Variants in ARFGEF3 observed in about 807,000 individuals in gnomAD.
ARFGEF3 encodes ARFGEF family member 3.
A neutral mutation model predicts 221.7 loss-of-function variants in ARFGEF3; 96 were observed. The ratio of observed to expected loss-of-function variants is 0.43; its 90% confidence interval spans 0.37 to 0.51. The LOEUF is 0.51. Ranked by LOEUF, ARFGEF3 falls within the 20% of genes least tolerant of loss-of-function variation. The probability of loss-of-function intolerance (pLI) is 0.00; values close to 1 mark genes in which losing one functional copy is unlikely to be tolerated. For synonymous variants in ARFGEF3, 1,145 were observed against 1,126.8 expected (o/e 1.02, Z -0.32); for missense variants, 2,410 against 2,789.9 (o/e 0.86, Z 3.07).
chr6:138,308,911 A>G (rs1779775785), intron 24 of ARFGEF3, 50 bp downstream of exon 24: 7 of 1,611,034 alleles, frequency 4.3e-6, no homozygotes, highest in South Asian at 1.1e-5. Flanking sequence ...GACCCTTTCC[A>G]GGGTGGCTCT....
At position 138,241,341 on chromosome 6, in the gene ARFGEF3, A is replaced by G. The variant is rs923476556; in HGVS notation, c.544-1611A>G. ...TATCTGCATAATTGATTCTTCCGTT[A>G]CTCCCATTTTTTTCTTCAAACATTC... On this transcript the variant is annotated intron_variant, in intron 6 of 33. Coordinates refer to ENST00000251691, the MANE Select transcript of ARFGEF3 (RefSeq NM_020340.5). Among the ~76,000 whole-genome samples the G allele has an allele frequency of 2.0e-5, 3 of 152,030 alleles. No individual in the cohort carries two copies. In the East Asian group the frequency reaches 5.8e-4, roughly 29 times the overall value.
chr6:138,238,545 C>G lies in ARFGEF3; in HGVS notation c.457C>G (p.Arg153Gly), dbSNP rs1264278620. Residue 153 changes from arginine (R) to glycine (G), a missense_variant, in exon 6 of 34, where the codon CGT (arginine) becomes GGT (glycine). This residue lies in a region of ARFGEF3 where 570 missense variants were observed against 586.9 expected (regional missense o/e 0.97). Transcript: ENST00000251691. The stretch of plus-strand genomic sequence containing the variant: ...GACGTACATAAGCAGCTGTCACCAG[C>G]GTAGCATAAACACTGCTGTGCGGGC... Reference protein sequence around the residue: ...IETYISSCHQRSINTAVRATL... With the variant: ...IETYISSCHQGSINTAVRATL... 6.2e-7 allele frequency: 1 copy of G among 1,613,644 alleles called. No individual in the cohort carries two copies. The highest frequency in any genetic ancestry group is 1.3e-5 in the African/African-American group (1 of 74,914).
At chr6:138,183,211 G>T (rs1777115585) in intron 2 of ARFGEF3, among the ~76,000 whole-genome samples, 1 of 152,122 alleles carries the variant, frequency 6.6e-6, no homozygotes. Context: ...CTGAGCAGGT[G>T]GGAGGGCTGC....
At chr6:138,252,987 A>G (rs1355968365) in intron 8 of ARFGEF3, among the ~76,000 whole-genome samples, 3 of 151,890 alleles carry the variant, frequency 2.0e-5, no homozygotes, top group Non-Finnish European at 4.4e-5. Context: ...TCTATGAGGA[A>G]CCCCATAATG....
Position 138,344,300 on chromosome 6 carries a change from A to G in ARFGEF3, c.*7814A>G, listed in dbSNP as rs1393174174. 6.6e-6 allele frequency: 1 copy of G among 152,212 alleles called. No individual in the cohort carries two copies. Among genetic ancestry groups the G allele is most frequent in the Admixed American group, 6.5e-5 (1 of 15,278 alleles). The allele number at this position is 152,212 out of a possible 1,614,324, so 9.4% of individuals were successfully genotyped here. ...CATCCTTGCAACCCCATTCACCAGG[A>G]GCCTTGAAGCATTTTGTTTACTCCA... On this transcript the variant is annotated 3_prime_UTR_variant, in exon 34 of 34. Transcript: ENST00000251691.
chr6:138,174,627 A>T (rs1776902845), intron 2 of ARFGEF3, among the ~76,000 whole-genome samples: 1 of 151,830 alleles, frequency 6.6e-6, no homozygotes, highest in Non-Finnish European at 1.5e-5. Context: ...TATCTCTTGC[A>T]TTCTTCTGAT....
chr6:138,298,672 G>A lies in ARFGEF3; in HGVS notation c.3715G>A (p.Glu1239Lys), dbSNP rs1319018775. 6.2e-7 allele frequency: 1 copy of A among 1,613,604 alleles called. No homozygotes were observed. The highest frequency in any genetic ancestry group is 1.3e-5 in the African/African-American group (1 of 75,034). ...AVSFIHDILT[E>K]VLTDWNEPPH... The stretch of plus-strand genomic sequence containing the variant: ...TTCCTTCATCCATGACATACTGACA[G>A]AAGTCCTCACTGACTGGAATGAGCC... Residue 1239 changes from glutamate to lysine, a missense_variant, in exon 22 of 34, where the codon GAA becomes AAA. Transcript: ENST00000251691.
chr6:138,239,503 GC>G (rs1778353409), intron 6 of ARFGEF3, among the ~76,000 whole-genome samples: 1 of 151,980 alleles, frequency 6.6e-6, no homozygotes, highest in Non-Finnish European at 1.5e-5. Flanking sequence ...CAAAAAATTA[GC>G]CGGGTGTGGT....
intron 4 of ARFGEF3, 96 bp downstream of exon 4, chr6:138,210,137 A>G (rs569789439): frequency 3.3e-6 from 4 of 1,207,924 alleles, no homozygotes; most frequent in African/African-American, 1.5e-5. Flanking sequence ...CGTTGTGGTC[A>G]TGCTAGCTCA....
rs748551789 is a variant in ARFGEF3 at position 138,334,177 on chromosome 6, T to C, written c.5331T>C (p.Ser1777=). 1 of 1,613,820 alleles carries C rather than the reference T, an allele frequency of 6.2e-7. No homozygotes were observed. The highest frequency in any genetic ancestry group is 1.1e-5 in the South Asian group (1 of 91,062). The change falls in exon 33 of 34, where the codon TCT becomes TCC. Residue 1777 remains serine, a synonymous_variant. Transcript: ENST00000251691. This position sits in a 1 kb window ranked among gnomAD's most constrained non-coding sequence, Gnocchi z 5.1. ...LAVIFDLLLD[S]YRTAREFDTS... ...TCATATTCGACCTGCTGCTGGACTC[T>C]TATAGGACTGCCAGGGAGTTTGACA... is the stretch of plus-strand genomic sequence containing the variant.
chr6:138,240,395 G>A (rs1007795875), intron 6 of ARFGEF3, among the ~76,000 whole-genome samples: 3 of 152,030 alleles, frequency 2.0e-5, no homozygotes, highest in Admixed American at 6.6e-5. Context: ...AATTATATGA[G>A]TTCATTTAAT....
rs539352075 is a variant in ARFGEF3 at position 138,220,860 on chromosome 6, CT to C, written c.352-8922del. 9.2e-5 allele frequency among the ~76,000 whole-genome samples: 14 copies of C among 152,306 alleles called. No individual in the cohort carries two copies. In the South Asian group the frequency reaches 2.7e-3, roughly 29 times the overall value. ...ATCTCATCTTGACCAACTAAATTGCCTTGCCATATAAACACAGCTGAATCTC... is the reference window on the plus strand; with the variant it reads ...ATCTCATCTTGACCAACTAAATTGCCTGCCATATAAACACAGCTGAATCTC... On this transcript the variant is annotated intron_variant, in intron 4 of 33. Coordinates refer to ENST00000251691, the MANE Select transcript of ARFGEF3 (RefSeq NM_020340.5).
intron 32 of ARFGEF3, among the ~76,000 whole-genome samples, chr6:138,329,656 T>A (rs1780188512): frequency 6.6e-6 from 1 of 152,198 alleles, no homozygotes; most frequent in Non-Finnish European, 1.5e-5. Flanking sequence ...AGAGTGAGAC[T>A]CTGTCTCAAA....
chr6:138,167,116 G>T (rs1015765611), intron 1 of ARFGEF3, among the ~76,000 whole-genome samples: 2 of 152,106 alleles, frequency 1.3e-5, no homozygotes, highest in Non-Finnish European at 2.9e-5. Flanking sequence ...ACACAACTGG[G>T]CACCTGCTTT....
intron 23 of ARFGEF3, 116 bp from the exon 24 acceptor site, chr6:138,308,623 C>G: frequency 3.5e-6 from 4 of 1,148,596 alleles, no homozygotes; most frequent in Non-Finnish European, 5.1e-6. Context: ...AGGCATCTCC[C>G]CAGTAGATCT....
At chr6:138,319,203 G>A (rs1779979015) in intron 27 of ARFGEF3, among the ~76,000 whole-genome samples, 2 of 147,314 alleles carry the variant, frequency 1.4e-5, no homozygotes, top group East Asian at 2.0e-4. Flanking sequence ...CAATCCTCAC[G>A]CCTCAGCCTG....
chr6:138,188,252 G>T (rs1212176065), intron 2 of ARFGEF3, among the ~76,000 whole-genome samples: 1 of 152,142 alleles, frequency 6.6e-6, no homozygotes, highest in Non-Finnish European at 1.5e-5. Context: ...TGTGCTCTTT[G>T]TGGTCTCTGG....
intron 2 of ARFGEF3, among the ~76,000 whole-genome samples, chr6:138,186,974 G>C (rs2114459930): frequency 7.0e-6 from 1 of 142,158 alleles, no homozygotes; most frequent in South Asian, 2.2e-4. Context: ...GGAGTGCAAT[G>C]GTGCGATCTT....
Position 138,287,066 on chromosome 6 carries a change from C to T in ARFGEF3, c.2786-8C>T, listed in dbSNP as rs1159796755. The T allele has an allele frequency of 6.4e-7, 1 of 1,565,696 alleles. No homozygotes were observed. The highest frequency in any genetic ancestry group is 2.4e-5 in the East Asian group (1 of 41,988). ...CAGTCAAGAAGTCATTGTGTGTCTC[C>T]TCTGAAGGCGTTGCTGCTAACTGCG... On this transcript the variant is annotated splice_region_variant and splice_polypyrimidine_tract_variant and intron_variant, in intron 16 of 33. Coordinates refer to ENST00000251691, the MANE Select transcript of ARFGEF3 (RefSeq NM_020340.5).
Sources: gnomAD v4.1 joint callset for allele counts (sites outside exome capture counted in the v4.1 genomes callset) on GRCh38, gnomAD v4.1.1 for gene constraint, gnomAD v4.1.1 regional missense constraint, Gnocchi (gnomAD v3.1) non-coding constraint, MANE v1.5 for transcripts, NCBI Gene and HGNC (gene_info 2026-07-23, HGNC 2026-07-21) for gene names.